The following SV2B variants were observed in gnomAD, a reference collection of about 807,000 sequenced individuals.
SV2B encodes the protein synaptic vesicle glycoprotein 2B.
SV2B carries 41 observed loss-of-function variants against 73.9 expected under a neutral mutation model. That is an observed-to-expected ratio of 0.56 (90% CI 0.43 to 0.72). The LOEUF is 0.72. SV2B is among the 30% of genes least tolerant of loss of function. The probability of loss-of-function intolerance (pLI) is 0.00; values close to 1 mark genes in which losing one functional copy is unlikely to be tolerated. For synonymous variants in SV2B, 314 were observed against 314.2 expected, an observed-to-expected ratio of 1.00 and a Z score of 0.01; for missense variants, 764 against 857.8, an observed-to-expected ratio of 0.89 and a Z score of 1.37.
intron 1 of SV2B, among the ~76,000 whole-genome samples, chr15:91,153,312 G>A (rs1311870968): frequency 2.0e-5 from 3 of 152,128 alleles, no homozygotes; most frequent in Non-Finnish European, 4.4e-5. Context: ...ATTGGACCAC[G>A]TCACATCATC....
chr15:91,111,504 GA>G (rs1252011402), intron 1 of SV2B, among the ~76,000 whole-genome samples: 2 of 152,188 alleles, frequency 1.3e-5, no homozygotes, highest in Non-Finnish European at 2.9e-5. Context: ...ATTGCTGCAT[GA>G]GGAAAGAAGA....
intron 1 of SV2B, among the ~76,000 whole-genome samples, chr15:91,150,663 A>G (rs2043287778): frequency 6.6e-6 from 1 of 152,192 alleles, no homozygotes. Flanking sequence ...CCATAAGCAG[A>G]TGGGTGGGCA....
At position 91,302,288 on chromosome 15, in the gene SV2B, A is replaced by C. The variant is rs2049466548; in HGVS notation, c.*9736A>C. ...GATTCAAATGCGGACTTAACACTGC[A>C]GCTGTAACTCTGGGTCCGGGTCTTG... On this transcript the variant is annotated 3_prime_UTR_variant, in exon 13 of 13. Transcript: ENST00000394232. Among the ~76,000 whole-genome samples the C allele has an allele frequency of 6.6e-6, 1 of 152,044 alleles. No homozygotes were observed. The highest frequency in any genetic ancestry group is 2.4e-5 in the African/African-American group (1 of 41,412).
rs923156131 is a variant in SV2B, at chr15:91,197,707, G to T, written c.-391-28166G>T. ...CAAAATCTCTAAAATATAATGTTGT[G>T]CTAAAAAGCAAGGATACTTGCTATA... On this transcript the variant is annotated intron_variant, in intron 1 of 12. Coordinates refer to ENST00000394232, the MANE Select transcript of SV2B (RefSeq NM_001323032.3). The surrounding 1 kb of genome is among the most constrained non-coding windows in gnomAD (Gnocchi z 4.9). 6.6e-6 allele frequency among the ~76,000 whole-genome samples: 1 copy of T among 152,122 alleles called. No individual in the cohort carries two copies. The highest frequency in any genetic ancestry group is 1.5e-5 in the Non-Finnish European group (1 of 68,030).
intron 1 of SV2B, among the ~76,000 whole-genome samples, chr15:91,190,755 AC>A: frequency 6.6e-6 from 1 of 152,236 alleles, no homozygotes; most frequent in East Asian, 1.9e-4. Flanking sequence ...ATGCACACAA[AC>A]TTTTTTTTAG....
chr15:91,128,860 T>A lies in SV2B; in HGVS notation c.-392+28497T>A, dbSNP rs2042563312. The A allele has an allele frequency of 6.6e-6, 1 of 152,246 alleles. No individual in the cohort carries two copies. Among genetic ancestry groups the A allele is most frequent in the Non-Finnish European group, 1.5e-5 (1 of 68,054 alleles). 9.4% of individuals were successfully genotyped at this position (152,246 alleles called of 1,614,324 possible). ...TAGTCATGAGCACTAGATCCTATCC[T>A]TTTTGTCCAATCATATTTCTCCATG... On this transcript the variant is annotated intron_variant, in intron 1 of 12. Transcript: ENST00000394232. This position sits in a 1 kb window ranked among gnomAD's most constrained non-coding sequence, Gnocchi z 4.2.
intron 2 of SV2B, 121 bp from the exon 3 acceptor site, chr15:91,251,698 T>G: frequency 8.4e-7 from 1 of 1,187,558 alleles, no homozygotes. Context: ...TCCACCATTT[T>G]GTGTCTATGA....
chr15:91,256,072 C>G (rs909209774), intron 4 of SV2B, among the ~76,000 whole-genome samples: 1 of 152,102 alleles, frequency 6.6e-6, no homozygotes, highest in African/African-American at 2.4e-5. Flanking sequence ...AGAATGTTTT[C>G]CTGTGAACTC....
At chr15:91,205,827 A>C (rs752935966) in intron 1 of SV2B, among the ~76,000 whole-genome samples, 1 of 152,222 alleles carries the variant, frequency 6.6e-6, no homozygotes, top group Non-Finnish European at 1.5e-5. Context: ...TGAATAAAGA[A>C]TAGAGAGTTC....
In SV2B at chr15:91,227,072, A is replaced by G. The variant is rs1274544888; in HGVS notation, c.451+358A>G. On this transcript the variant is annotated intron_variant, in intron 2 of 12. Transcript: ENST00000394232. The surrounding 1 kb of genome is among the most constrained non-coding windows in gnomAD (Gnocchi z 4.5). ...GGAGTGGCAAATTAAACCTTCTTCC[A>G]TGTCCAAATGACAAATACATTTGGG... Among the ~76,000 whole-genome samples, 3 of 152,164 alleles carry G rather than the reference A, an allele frequency of 2.0e-5. No individual in the cohort carries two copies. The highest frequency in any genetic ancestry group is 4.4e-5 in the Non-Finnish European group (3 of 68,030).
Position 91,258,669 on chromosome 15 carries a change from C to G in SV2B, c.918+115C>G. The G allele has an allele frequency of 6.8e-7, 1 of 1,473,050 alleles. No homozygotes were observed. Among genetic ancestry groups the G allele is most frequent in the Non-Finnish European group, 9.1e-7 (1 of 1,096,018 alleles). 91.2% of individuals were successfully genotyped at this position (1,473,050 alleles called of 1,614,324 possible). A position where few individuals can be genotyped will look rare whatever the true frequency, so the allele number is the denominator to read the frequency against. On this transcript the variant is annotated intron_variant, in intron 5 of 12. Coordinates refer to ENST00000394232, the MANE Select transcript of SV2B (RefSeq NM_001323032.3). This position sits in a 1 kb window ranked among gnomAD's most constrained non-coding sequence, Gnocchi z 4.7. Reference sequence around the variant, plus strand: ...TCCTCTGCTGCTTATGTGTTGCAAACTCTCCCCTGGTCGGCTGACCTCACT... The same window carrying G: ...TCCTCTGCTGCTTATGTGTTGCAAAGTCTCCCCTGGTCGGCTGACCTCACT...
At chr15:91,184,328 T>C (rs573696693) in intron 1 of SV2B, among the ~76,000 whole-genome samples, 2 of 152,312 alleles carry the variant, frequency 1.3e-5, no homozygotes, top group South Asian at 2.1e-4. Flanking sequence ...CCGACCTCTA[T>C]TTACCAGATT....
rs1271506522 is a variant in SV2B at position 91,252,403 on chromosome 15, T to C, written c.667T>C (p.Phe223Leu). ...TGCTCTACCGATTGTTTTTGCCTAT[T>C]TTTCTGAATTCTTGTCTCGGGAGAA... is the stretch of plus-strand genomic sequence containing the variant. ...GGALPIVFAY[F>L]SEFLSREKRG... is the part of the protein sequence containing the mutation. Residue 223 changes from phenylalanine to leucine, a missense_variant, in exon 4 of 13, where the codon TTT becomes CTT. Phe to Leu is a conservative substitution (Grantham distance 22, BLOSUM62 0). Coordinates refer to ENST00000394232, the MANE Select transcript of SV2B (RefSeq NM_001323032.3). This position sits in a 1 kb window ranked among gnomAD's most constrained non-coding sequence, Gnocchi z 4.6. 1.9e-6 allele frequency: 3 copies of C among 1,613,444 alleles called. No individual in the cohort carries two copies. Among genetic ancestry groups the C allele is most frequent in the Admixed American group, 3.3e-5 (2 of 59,888 alleles).
rs1236257018 is a variant in SV2B at position 91,236,144 on chromosome 15, T to TTGCC, written c.451+9434_451+9437dup. ...GATGTCTCAGGACATTCTGTCCACT[T>TTGCC]TGCCTGCAGAATATCTCCCTTGGCA... On this transcript the variant is annotated intron_variant, in intron 2 of 12. Coordinates refer to ENST00000394232, the MANE Select transcript of SV2B (RefSeq NM_001323032.3). This position sits in a 1 kb window ranked among gnomAD's most constrained non-coding sequence, Gnocchi z 4.1. Among the ~76,000 whole-genome samples the TTGCC allele has an allele frequency of 8.5e-5, 13 of 152,332 alleles. No homozygotes were observed. Among genetic ancestry groups the TTGCC allele is most frequent in the Admixed American group, 4.6e-4 (7 of 15,300 alleles).
intron 9 of SV2B, among the ~76,000 whole-genome samples, chr15:91,275,534 A>C (rs1426494448): frequency 1.3e-5 from 2 of 152,356 alleles, no homozygotes; most frequent in East Asian, 1.9e-4. Context: ...TAAAAATAGA[A>C]GAAAAATAGG....
At chr15:91,251,537 C>A (rs1000247287) in intron 2 of SV2B, among the ~76,000 whole-genome samples, 2 of 152,214 alleles carry the variant, frequency 1.3e-5, no homozygotes, top group African/African-American at 4.8e-5. Flanking sequence ...TTTCCCTTGT[C>A]TGCAGATTAT....
At position 91,131,671 on chromosome 15, in the gene SV2B, A is replaced by G. The variant is rs912059930; in HGVS notation, c.-392+31308A>G. Among the ~76,000 whole-genome samples, 7 of 152,004 alleles carry G rather than the reference A, an allele frequency of 4.6e-5. No individual in the cohort carries two copies. In the South Asian group the frequency reaches 1.2e-3, roughly 27 times the overall value. On this transcript the variant is annotated intron_variant, in intron 1 of 12. Coordinates refer to ENST00000394232, the MANE Select transcript of SV2B (RefSeq NM_001323032.3). ...AATTTGAAAAAAAAAAACAAAAAAA[A>G]CAAAAAAGTGGCTGAGTGTGGTGGC...
At chr15:91,285,415 C>A (rs1193647946) in intron 11 of SV2B, among the ~76,000 whole-genome samples, 1 of 152,180 alleles carries the variant, frequency 6.6e-6, no homozygotes, top group Non-Finnish European at 1.5e-5. Flanking sequence ...GCAGTGCCTG[C>A]AGTAGAGTTG....
chr15:91,202,015 C>T (rs746120844), intron 1 of SV2B, among the ~76,000 whole-genome samples: 28 of 152,176 alleles, frequency 1.8e-4, no homozygotes, highest in Non-Finnish European at 4.1e-4. Flanking sequence ...TTTGTGCTTG[C>T]CCCCTTTACT....
Sources: allele counts gnomAD v4.1 joint callset (sites outside exome capture counted in the v4.1 genomes callset), GRCh38; gene constraint gnomAD v4.1.1; non-coding constraint Gnocchi (gnomAD v3.1); transcripts MANE v1.5; gene names NCBI Gene and HGNC (gene_info 2026-07-23, HGNC 2026-07-21).